Variants in HNRNPC observed in about 807,000 individuals in gnomAD.
HNRNPC encodes heterogeneous nuclear ribonucleoprotein C.
HNRNPC carries 3 observed loss-of-function variants against 33.2 expected under a neutral mutation model. The ratio of observed to expected loss-of-function variants is 0.09; its 90% CI spans 0.04 to 0.23. The LOEUF (loss-of-function observed/expected upper bound fraction) is 0.23, where lower values mean the gene tolerates loss of function less well. HNRNPC is among the 10% of genes least tolerant of loss of function. The probability of loss-of-function intolerance (pLI) is 1.00; values close to 1 mark genes in which losing one functional copy is unlikely to be tolerated. For missense variants in HNRNPC, 143 were observed against 366.7 expected (o/e 0.39, Z 4.98); for synonymous variants, 121 against 126.7 (o/e 0.96, Z 0.30).
chr14:21,227,147 T>C (rs12893197), intron 5 of HNRNPC, among the ~76,000 whole-genome samples: 2 of 152,026 alleles, frequency 1.3e-5, no homozygotes, highest in South Asian at 2.1e-4. Flanking sequence ...CAGGTCCAAA[T>C]TGACCTAACA....
chr14:21,237,860 C>T (rs548107892), intron 2 of HNRNPC, among the ~76,000 whole-genome samples: 308 of 152,282 alleles, frequency 2.0e-3, no homozygotes, highest in Non-Finnish European at 3.8e-3. Flanking sequence ...CAACCTACGC[C>T]TCCCTGTTCC....
chr14:21,248,350 A>G (rs999679829), intron 2 of HNRNPC, among the ~76,000 whole-genome samples: 2 of 152,138 alleles, frequency 1.3e-5, no homozygotes, highest in Admixed American at 6.6e-5. Context: ...GCCTAGACAC[A>G]TGTGTTTCAA....
chr14:21,232,108 A>C (rs1409019843), intron 3 of HNRNPC, among the ~76,000 whole-genome samples: 3 of 152,174 alleles, frequency 2.0e-5, no homozygotes, highest in Non-Finnish European at 4.4e-5. Context: ...CCTGGTTTTC[A>C]AATACAATTT....
chr14:21,237,817 G>C (rs1296786007), intron 2 of HNRNPC, among the ~76,000 whole-genome samples: 1 of 151,994 alleles, frequency 6.6e-6, no homozygotes, highest in Non-Finnish European at 1.5e-5. Context: ...CGTTGCCAAG[G>C]ATGGAGTGCA....
At chr14:21,245,325 G>A (rs749790543) in intron 2 of HNRNPC, among the ~76,000 whole-genome samples, 17 of 151,922 alleles carry the variant, frequency 1.1e-4, no homozygotes, top group African/African-American at 4.1e-4. Context: ...GAGAAACCGC[G>A]TCTCTACTAA....
chr14:21,250,289 G>A (rs1037339410), intron 2 of HNRNPC, among the ~76,000 whole-genome samples: 7 of 151,998 alleles, frequency 4.6e-5, no homozygotes, highest in African/African-American at 1.4e-4. Flanking sequence ...AATACTTAGG[G>A]GTCTTTTGTC....
chr14:21,248,470 T>C (rs1201827729), intron 2 of HNRNPC, among the ~76,000 whole-genome samples: 1 of 152,154 alleles, frequency 6.6e-6, no homozygotes, highest in East Asian at 1.9e-4. Context: ...TCTCACAGGA[T>C]AGGAATGAAG....
intron 4 of HNRNPC, 155 bp downstream of exon 4, chr14:21,230,842 C>A (rs1894035479): frequency 5.3e-6 from 4 of 752,642 alleles, no homozygotes; most frequent in Non-Finnish European, 8.4e-6. Context: ...AATAATAAAA[C>A]CTTATTTATA....
At position 21,211,519 on chromosome 14, in the gene HNRNPC, C is replaced by A. The variant is rs200722780; in HGVS notation, c.685G>T (p.Val229Leu). ...KSEEEQSSSS[V>L]KKDETNVKME... is the part of the protein sequence containing the mutation. ...TTCACATTAGTCTCATCTTTCTTCA[C>A]GGAGCTGCTGCTCTGCTCCTCTTCT... The change falls in exon 8 of 9, where the codon GTG becomes TTG. Residue 229 changes from valine (V) to leucine (L), a missense_variant. Val to Leu is a conservative substitution (Grantham distance 32). Around this residue, in one of 2 missense-constraint regions of HNRNPC, gnomAD observed 131 missense variants for 253.0 expected, o/e 0.52. Transcript: ENST00000553300. 6.2e-7 allele frequency: 1 copy of A among 1,612,622 alleles called. No individual in the cohort carries two copies. Among genetic ancestry groups the A allele is most frequent in the Admixed American group, 1.7e-5 (1 of 59,890 alleles).
chr14:21,221,609 G>C (rs1187577436), intron 5 of HNRNPC, among the ~76,000 whole-genome samples: 1 of 152,128 alleles, frequency 6.6e-6, no homozygotes, highest in African/African-American at 2.4e-5. Context: ...GCAGGATGGT[G>C]GAATTATAAG....
rs191308069 is a variant in HNRNPC at position 21,233,401 on chromosome 14, T to C, written c.241+552A>G. On this transcript the variant is annotated intron_variant, in intron 3 of 8. Transcript: ENST00000553300. ...TTGTAAAAACAAAGGTATGATAATT[T>C]TGAAACTGAGGCACAAGGTACACAT... is the stretch of plus-strand genomic sequence containing the variant. Among the ~76,000 whole-genome samples the C allele has an allele frequency of 2.3e-3, 349 of 152,278 alleles. 1 individual carries two copies. The highest frequency in any genetic ancestry group is 7.9e-3 in the African/African-American group (328 of 41,546).
At chr14:21,247,287 G>A (rs1896089421) in intron 2 of HNRNPC, among the ~76,000 whole-genome samples, 1 of 152,104 alleles carries the variant, frequency 6.6e-6, no homozygotes, top group South Asian at 2.1e-4. Context: ...CCAGCGTTAA[G>A]AAAATTTCAG....
chr14:21,215,898 T>TAAAAA (rs3064165), intron 5 of HNRNPC, among the ~76,000 whole-genome samples: 6,890 of 98,240 alleles, frequency 0.07, 298 homozygotes, highest in Admixed American at 0.17. Flanking sequence ...GACTCCGTCT[T>TAAAAA]AAAAAAAAAA....
chr14:21,245,990 T>C (rs1342716133), intron 2 of HNRNPC, among the ~76,000 whole-genome samples: 1 of 152,018 alleles, frequency 6.6e-6, no homozygotes, highest in Non-Finnish European at 1.5e-5. Flanking sequence ...GGAACACAGA[T>C]GTGCACCACC....
chr14:21,232,962 G>A (rs1210004746), intron 3 of HNRNPC, among the ~76,000 whole-genome samples: 7 of 152,004 alleles, frequency 4.6e-5, no homozygotes, highest in African/African-American at 7.2e-5. Context: ...GCTTGAACCC[G>A]GGAGGCTGAG....
At chr14:21,243,591 G>A (rs1287636915) in intron 2 of HNRNPC, among the ~76,000 whole-genome samples, 1 of 152,218 alleles carries the variant, frequency 6.6e-6, no homozygotes, top group East Asian at 1.9e-4. Flanking sequence ...TGAAGTGAAG[G>A]AAAAGAAACT....
At chr14:21,252,907 T>C (rs1896823965) in intron 2 of HNRNPC, among the ~76,000 whole-genome samples, 1 of 152,114 alleles carries the variant, frequency 6.6e-6, no homozygotes, top group South Asian at 2.1e-4. Flanking sequence ...CGGGTGCAGT[T>C]GCTCACACCT....
chr14:21,230,875 T>C (rs1303132904), intron 4 of HNRNPC, 122 bp downstream of exon 4: 7 of 1,112,890 alleles, frequency 6.3e-6, no homozygotes, highest in Non-Finnish European at 9.3e-6. Context: ...ACAGTACACT[T>C]AAACCTCCCC....
chr14:21,238,796 T>C (rs1001801098), intron 2 of HNRNPC, among the ~76,000 whole-genome samples: 5 of 152,076 alleles, frequency 3.3e-5, no homozygotes, highest in Admixed American at 2.0e-4. Flanking sequence ...TGTTAGATAA[T>C]AAAATGGCAC....
Sources: allele counts gnomAD v4.1 joint callset (sites outside exome capture counted in the v4.1 genomes callset), GRCh38; gene constraint gnomAD v4.1.1; regional missense constraint gnomAD v4.1.1; transcripts MANE v1.5; gene names NCBI Gene and HGNC (gene_info 2026-07-23, HGNC 2026-07-21).